Variants in PIEZO2 observed in about 807,000 individuals in gnomAD.
PIEZO2 encodes the protein piezo type mechanosensitive ion channel component 2, also known as piezo-type mechanosensitive ion channel component 2.
In PIEZO2, 172 loss-of-function variants were observed where a neutral mutation model predicts 337.3. The ratio of observed to expected loss-of-function variants is 0.51; its 90% CI spans 0.45 to 0.58. PIEZO2 has a LOEUF of 0.58. Among genes scored for constraint, PIEZO2 ranks in the 20% least tolerant of loss-of-function variants. The probability of loss-of-function intolerance (pLI) is 0.00; values close to 1 mark genes in which losing one functional copy is unlikely to be tolerated. For synonymous variants in PIEZO2, 1,251 were observed against 1,228.5 expected, an observed-to-expected ratio of 1.02 and a Z score of -0.38; for missense variants, 3,028 against 3,391.3, an observed-to-expected ratio of 0.89 and a Z score of 2.66.
chr18:11,024,020 C>T (rs546500532), intron 2 of PIEZO2, among the ~76,000 whole-genome samples: 4 of 152,316 alleles, frequency 2.6e-5, no homozygotes, highest in Middle Eastern at 3.4e-3. Flanking sequence ...TTCCCGCCTG[C>T]GCCTCTCCCT....
Position 11,104,483 on chromosome 18 carries a change from C to G in PIEZO2, c.65-38261G>C, listed in dbSNP as rs2039503731. Among the ~76,000 whole-genome samples, 1 of 152,182 alleles carries G rather than the reference C, an allele frequency of 6.6e-6. No homozygotes were observed. Among genetic ancestry groups the G allele is most frequent in the South Asian group, 2.1e-4 (1 of 4,826 alleles). On this transcript the variant is annotated intron_variant, in intron 1 of 55. Transcript: ENST00000674853. This position sits in a 1 kb window ranked among gnomAD's most constrained non-coding sequence, Gnocchi z 4.6. Reference sequence around the variant, plus strand: ...TCAATGAACGCAGCTGCCCTTCTCTCTAGGGGTGGGGCAGGGACGGCCTCC... The same window carrying G: ...TCAATGAACGCAGCTGCCCTTCTCTGTAGGGGTGGGGCAGGGACGGCCTCC...
Position 11,036,684 on chromosome 18 carries a change from G to A in PIEZO2, c.160+29443C>T, listed in dbSNP as rs115406169. Among the ~76,000 whole-genome samples the A allele has an allele frequency of 2.9e-3, 443 of 152,032 alleles. 3 individuals carry two copies. The highest frequency in any genetic ancestry group is 0.01 in the African/African-American group (419 of 41,460). On this transcript the variant is annotated intron_variant, in intron 2 of 55. Transcript: ENST00000674853. ...TAAAACTGGTTTCACCAATGTAACCGATATGGCTCTACTGAGTTTGTGTTA... is the reference window on the plus strand; with the variant it reads ...TAAAACTGGTTTCACCAATGTAACCAATATGGCTCTACTGAGTTTGTGTTA...
At chr18:10,876,261 T>A (rs1291070741) in intron 4 of PIEZO2, among the ~76,000 whole-genome samples, 1 of 152,204 alleles carries the variant, frequency 6.6e-6, no homozygotes, top group East Asian at 1.9e-4. Flanking sequence ...TGTGAGAAAC[T>A]CACAATGCAT....
intron 47 of PIEZO2, among the ~76,000 whole-genome samples, chr18:10,694,514 G>T (rs1196856667): frequency 6.6e-6 from 1 of 152,132 alleles, no homozygotes; most frequent in Non-Finnish European, 1.5e-5. Flanking sequence ...AAGATTTTCA[G>T]AGATACCTGA....
chr18:11,119,048 G>A (rs1009520843), intron 1 of PIEZO2, among the ~76,000 whole-genome samples: 17 of 151,990 alleles, frequency 1.1e-4, no homozygotes, highest in Non-Finnish European at 2.5e-4. Context: ...GAAAATAAGA[G>A]AGTTGAATCT....
intron 7 of PIEZO2, among the ~76,000 whole-genome samples, chr18:10,851,593 C>A (rs1048919139): frequency 2.0e-5 from 3 of 152,110 alleles, no homozygotes; most frequent in Non-Finnish European, 4.4e-5. Flanking sequence ...ATAGCCCCTG[C>A]GCCAAGTGTA....
rs535347999 is a variant in PIEZO2, at chr18:10,767,645, G to A, written c.2946+2503C>T. On this transcript the variant is annotated intron_variant, in intron 21 of 55. Transcript: ENST00000674853. This position sits in a 1 kb window ranked among gnomAD's most constrained non-coding sequence, Gnocchi z 4.2. ...AGAGATGAAGAGCTCTGGTTACAGGGTGCAGAGTCTCTTTGCTGGGCTCCA... is the reference window on the plus strand; with the variant it reads ...AGAGATGAAGAGCTCTGGTTACAGGATGCAGAGTCTCTTTGCTGGGCTCCA... 6.0e-4 allele frequency among the ~76,000 whole-genome samples: 91 copies of A among 152,298 alleles called. No individual in the cohort carries two copies. The highest frequency in any genetic ancestry group is 2.1e-3 in the African/African-American group (89 of 41,564).
Position 10,706,452 on chromosome 18 carries a change from ACGCAAGCT to A in PIEZO2, c.5589-714_5589-707del, listed in dbSNP as rs376334197. Among the ~76,000 whole-genome samples, 551 of 151,986 alleles carry A rather than the reference ACGCAAGCT, an allele frequency of 3.6e-3. 7 individuals are homozygous for A. Among genetic ancestry groups the A allele is most frequent in the African/African-American group, 0.012 (518 of 41,468 alleles). The stretch of plus-strand genomic sequence containing the variant: ...GTGGGACTCCAGCCACTCTCTTCCC[ACGCAAGCT>A]CTCCTTGGCCCTTCTCCCTTCCAGC... On this transcript the variant is annotated intron_variant, in intron 40 of 55. Transcript: ENST00000674853.
chr18:10,783,698 C>T lies in PIEZO2; in HGVS notation c.2492+1086G>A, dbSNP rs1239443559. On this transcript the variant is annotated intron_variant, in intron 17 of 55. Coordinates refer to ENST00000674853, the MANE Select transcript of PIEZO2 (RefSeq NM_001378183.1). The surrounding 1 kb of genome is among the most constrained non-coding windows in gnomAD (Gnocchi z 4.3). ...CAAAACAAGTCATGACTGATTGATA[C>T]CTCTTGGTTCCATGGGTTACGAGTC... is the stretch of plus-strand genomic sequence containing the variant. 3.9e-5 allele frequency among the ~76,000 whole-genome samples: 6 copies of T among 152,152 alleles called. No homozygotes were observed. Among genetic ancestry groups the T allele is most frequent in the Non-Finnish European group, 8.8e-5 (6 of 68,030 alleles).
chr18:10,924,422 T>A (rs937402536), intron 3 of PIEZO2, among the ~76,000 whole-genome samples: 2 of 152,198 alleles, frequency 1.3e-5, no homozygotes, highest in Admixed American at 1.3e-4. Flanking sequence ...AAAGGGCTTA[T>A]AAAAATATTC....
In PIEZO2 at chr18:11,033,945, C is replaced by T. The variant is rs536500034; in HGVS notation, c.160+32182G>A. Reference sequence around the variant, plus strand: ...AACTTTAATACCTGAAAAACTTATACGAGCTAATGTTGTGCTGATTTGAAA... The same window carrying T: ...AACTTTAATACCTGAAAAACTTATATGAGCTAATGTTGTGCTGATTTGAAA... On this transcript the variant is annotated intron_variant, in intron 2 of 55. Coordinates refer to ENST00000674853, the MANE Select transcript of PIEZO2 (RefSeq NM_001378183.1). This position sits in a 1 kb window ranked among gnomAD's most constrained non-coding sequence, Gnocchi z 4.2. Among the ~76,000 whole-genome samples, 3 of 152,048 alleles carry T rather than the reference C, an allele frequency of 2.0e-5. No homozygotes were observed. The South Asian group carries it at 6.2e-4, about 32-fold the overall frequency.
At chr18:10,908,346 T>C (rs151122177) in intron 4 of PIEZO2, 2 of 152,372 alleles carry the variant, frequency 1.3e-5, no homozygotes, top group East Asian at 3.9e-4. Flanking sequence ...ATGTGATCCC[T>C]TTAAAATAAT....
At chr18:10,684,098 TTC>T (rs1276035639) in intron 49 of PIEZO2, among the ~76,000 whole-genome samples, 12 of 28,982 alleles carry the variant, frequency 4.1e-4, no homozygotes, top group African/African-American at 5.9e-4. Flanking sequence ...CCTTCCTTCT[TTC>T]TCTCTCTCTT....
chr18:10,918,916 A>G (rs1305567069), intron 3 of PIEZO2, among the ~76,000 whole-genome samples: 5 of 152,026 alleles, frequency 3.3e-5, no homozygotes, highest in Admixed American at 2.6e-4. Flanking sequence ...CTATACCTAT[A>G]TCTTTGAACA....
chr18:10,866,433 C>G (rs1394875432), intron 5 of PIEZO2, among the ~76,000 whole-genome samples: 1 of 151,986 alleles, frequency 6.6e-6, no homozygotes, highest in Non-Finnish European at 1.5e-5. Context: ...CTACAGGCAC[C>G]CGCCACCACA....
rs1302415433 is a variant in PIEZO2 at position 11,126,076 on chromosome 18, G to T, written c.64+22449C>A. Among the ~76,000 whole-genome samples the T allele has an allele frequency of 2.0e-5, 3 of 152,166 alleles. No homozygotes were observed. The highest frequency in any genetic ancestry group is 2.0e-4 in the Admixed American group (3 of 15,276). ...TCAGTCTGTACTTACCCTTAGACCTGCATTACAAGTAGAACAGCGGGCAGT... is the reference window on the plus strand; with the variant it reads ...TCAGTCTGTACTTACCCTTAGACCTTCATTACAAGTAGAACAGCGGGCAGT... On this transcript the variant is annotated intron_variant, in intron 1 of 55. Transcript: ENST00000674853. This position sits in a 1 kb window ranked among gnomAD's most constrained non-coding sequence, Gnocchi z 4.6.
In PIEZO2 at chr18:10,855,068, C is replaced by A. The variant is rs1053883175; in HGVS notation, c.917+285G>T. Among the ~76,000 whole-genome samples the A allele has an allele frequency of 6.6e-5, 10 of 152,172 alleles. No individual in the cohort carries two copies. The highest frequency in any genetic ancestry group is 2.4e-4 in the African/African-American group (10 of 41,428). ...GGTGTAAAATGTTCTTCCTGATCTTCTTCCCCAGCTGAGACTCTGTGTCTT... is the reference window on the plus strand; with the variant it reads ...GGTGTAAAATGTTCTTCCTGATCTTATTCCCCAGCTGAGACTCTGTGTCTT... On this transcript the variant is annotated intron_variant, in intron 7 of 55. Coordinates refer to ENST00000674853, the MANE Select transcript of PIEZO2 (RefSeq NM_001378183.1). The surrounding 1 kb of genome is among the most constrained non-coding windows in gnomAD (Gnocchi z 4.9).
intron 7 of PIEZO2, among the ~76,000 whole-genome samples, chr18:10,838,092 G>A (rs2041075652): frequency 6.6e-6 from 1 of 152,074 alleles, no homozygotes; most frequent in South Asian, 2.1e-4. Flanking sequence ...GTGGGAAAAA[G>A]GCTAGAACTG....
chr18:10,912,505 C>G (rs1054284945), intron 3 of PIEZO2, among the ~76,000 whole-genome samples: 4 of 152,176 alleles, frequency 2.6e-5, no homozygotes, highest in Non-Finnish European at 4.4e-5. Context: ...AGAGTTACTT[C>G]TGTCAATAGG....
Sources: gnomAD v4.1 joint callset for allele counts (sites outside exome capture counted in the v4.1 genomes callset) on GRCh38, gnomAD v4.1.1 for gene constraint, Gnocchi (gnomAD v3.1) non-coding constraint, MANE v1.5 for transcripts, NCBI Gene and HGNC (gene_info 2026-07-23, HGNC 2026-07-21) for gene names.